MYO15B: variants seen among roughly 807,000 people sequenced by gnomAD.
MYO15B encodes myosin XVB pseudogene.
Under a neutral mutation model 119.3 loss-of-function variants are expected in MYO15B, and 207 were observed. The observed-to-expected ratio is 1.73, with a 90% CI of 1.55 to 1.95. MYO15B has a LOEUF of 1.95. Ranked by LOEUF, MYO15B falls within the 30% of genes most tolerant of loss-of-function variation. The pLI is 0.00. For missense variants in MYO15B, 2,264 were observed against 1,203.1 expected (o/e 1.88, Z -13.04); for synonymous variants, 966 against 498.9 (o/e 1.94, Z -12.48).
chr17:75,596,986 A>C (rs1598737413), intron 14 of MYO15B, 87 bp downstream of exon 14: 1 of 619,838 alleles, frequency 1.6e-6, no homozygotes, highest in Admixed American at 2.8e-5. Context: ...AGAGCCTCCC[A>C]GAGGGGACAA....
At chr17:75,626,318 G>A (rs1472042746) in intron 63 of MYO15B, 89 bp from the exon 64 acceptor site, 7 of 698,244 alleles carry the variant, frequency 1.0e-5, no homozygotes, top group East Asian at 2.7e-5. Flanking sequence ...GGCCCAGGCC[G>A]ATGCCCACTG....
rs1466027389 is a variant in MYO15B at position 75,596,507 on chromosome 17, C to T, written c.3345C>T (p.Ser1115=). 6 of 702,936 alleles carry T rather than the reference C, an allele frequency of 8.5e-6. No individual in the cohort carries two copies. In the East Asian group the frequency reaches 1.1e-4, roughly 13 times the overall value. 43.5% of individuals were successfully genotyped at this position (702,936 alleles called of 1,614,324 possible). A position where few individuals can be genotyped will look rare whatever the true frequency, so the allele number is the denominator to read the frequency against. Reference sequence around the variant, plus strand: ...AGCAACTGTGCAACAACCTCGCCAGCGAGCGCCTACAGCTCTTCTCCAGCC... The same window carrying T: ...AGCAACTGTGCAACAACCTCGCCAGTGAGCGCCTACAGCTCTTCTCCAGCC... The change falls in exon 13 of 64, where the codon AGC becomes AGT. Residue 1115 remains serine, a synonymous_variant. Transcript: ENST00000645453.
In MYO15B at chr17:75,621,014, G is replaced by A. The variant is rs776579456; in HGVS notation, c.7726-17G>A. 1.4e-6 allele frequency: 1 copy of A among 702,792 alleles called. No individual in the cohort carries two copies. The allele number at this position is 702,792 out of a possible 1,614,324, so 43.5% of individuals were successfully genotyped here. A position where few individuals can be genotyped will look rare whatever the true frequency, so the allele number is the denominator to read the frequency against. On this transcript the variant is annotated splice_polypyrimidine_tract_variant and intron_variant, in intron 49 of 63. Coordinates refer to ENST00000645453, the Ensembl canonical transcript of MYO15B. ...GCACTGGACACTCAGGTGGCACCAG[G>A]TTTCTTGTGATCCCAGCGCCCTGCC...
chr17:75,603,212 CAT>C lies in MYO15B; in HGVS notation c.3917_3918del (p.His1306ArgfsTer28). 1 of 703,090 alleles carries C rather than the reference CAT, an allele frequency of 1.4e-6. No individual in the cohort carries two copies. Among genetic ancestry groups the C allele is most frequent in the Non-Finnish European group, 2.6e-6 (1 of 385,004 alleles). 43.6% of individuals were successfully genotyped at this position (703,090 alleles called of 1,614,324 possible). ...GCTTCCAGGCCTCTTTGACGTGGGA[CAT>C]GTGACAGAGCAACTGCACCAGGCAG... On this transcript the variant is annotated frameshift_variant, in exon 19 of 64. Coordinates refer to ENST00000645453, the Ensembl canonical transcript of MYO15B. LOFTEE classifies it high-confidence loss of function.
chr17:75,600,321 C>G (rs1463704079), intron 14 of MYO15B, among the ~76,000 whole-genome samples: 2 of 151,834 alleles, frequency 1.3e-5, no homozygotes, highest in African/African-American at 4.8e-5. Flanking sequence ...GCCACCGCGT[C>G]CGGCCTAAGA....
At chr17:75,621,806 G>A (rs1211285703) in intron 52 of MYO15B, 198 bp from the exon 53 acceptor site, 6 of 607,838 alleles carry the variant, frequency 9.9e-6, no homozygotes, top group South Asian at 1.9e-5. Context: ...GATGCTATGT[G>A]CTGTGTGGGG....
chr17:75,605,943 A>G (rs1479488387), exon 21 of MYO15B: 1 of 702,698 alleles, frequency 1.4e-6, no homozygotes, highest in African/African-American at 1.7e-5. Flanking sequence ...GTCGACCTGC[A>G]CCGCAGCTTC....
intron 19 of MYO15B, among the ~76,000 whole-genome samples, chr17:75,604,079 G>T (rs1210989130): frequency 6.6e-6 from 1 of 152,176 alleles, no homozygotes; most frequent in African/African-American, 2.4e-5. Context: ...CTGGTTGGGG[G>T]ACTGAGCAAA....
chr17:75,615,707 A>C, exon 36 of MYO15B: 1 of 685,848 alleles, frequency 1.5e-6, no homozygotes, highest in Non-Finnish European at 2.7e-6. Context: ...AGCAGATGAC[A>C]GCCCAGGCCA....
chr17:75,622,119 T>C, intron 53 of MYO15B, 39 bp downstream of exon 53: 1 of 701,326 alleles, frequency 1.4e-6, no homozygotes, highest in Non-Finnish European at 2.6e-6. Context: ...CCTGTGCCTG[T>C]CCTCCTGTCT....
At chr17:75,618,802 G>T (rs185850344) in intron 43 of MYO15B, among the ~76,000 whole-genome samples, 2 of 152,350 alleles carry the variant, frequency 1.3e-5, no homozygotes, top group African/African-American at 4.8e-5. Flanking sequence ...CCAGGAGTGA[G>T]CCTCTGTTCC....
chr17:75,625,440 A>G (rs1263156409), intron 60 of MYO15B, 87 bp from the exon 61 acceptor site: 4 of 682,586 alleles, frequency 5.9e-6, no homozygotes, highest in South Asian at 1.6e-5. Flanking sequence ...CTTGCCCACA[A>G]TAGGCACTGG....
intron 24 of MYO15B, 84 bp downstream of exon 24, chr17:75,611,742 C>G (rs1198771396): frequency 2.0e-5 from 14 of 698,554 alleles, no homozygotes; most frequent in Non-Finnish European, 3.4e-5. Context: ...TGGTTCCTCC[C>G]TCTGATGCTC....
In MYO15B at chr17:75,603,185, C is replaced by G. The variant is rs2057397005; in HGVS notation, c.3892-3C>G. On this transcript the variant is annotated splice_polypyrimidine_tract_variant and splice_region_variant and intron_variant, in intron 18 of 63. Transcript: ENST00000645453. ...TGTCTTTGGCTCTGTCTTGTGGCCACAGCTTCCAGGCCTCTTTGACGTGGG... is the reference window on the plus strand; with the variant it reads ...TGTCTTTGGCTCTGTCTTGTGGCCAGAGCTTCCAGGCCTCTTTGACGTGGG... The G allele has an allele frequency of 1.4e-6, 1 of 703,046 alleles. No homozygotes were observed. The highest frequency in any genetic ancestry group is 1.7e-5 in the African/African-American group (1 of 57,278). 43.6% of individuals were successfully genotyped at this position (703,046 alleles called of 1,614,324 possible).
chr17:75,593,885 C>A (rs1363828414), intron 9 of MYO15B, among the ~76,000 whole-genome samples: 1 of 149,336 alleles, frequency 6.7e-6, no homozygotes, highest in African/African-American at 2.5e-5. Flanking sequence ...TGCCATTGCA[C>A]TCCAGCCTGA....
rs1271750925 is a variant in MYO15B at position 75,611,928 on chromosome 17, CGCCTGAG to C, written c.4549_4555del (p.Pro1517PhefsTer7). On this transcript the variant is annotated frameshift_variant, in exon 25 of 64. Coordinates refer to ENST00000645453, the Ensembl canonical transcript of MYO15B. LOFTEE classifies it high-confidence loss of function. ...GCTGGGAGCATCACCGAGTGCCTGC[CGCCTGAG>C]GTTCCTGCCCGGCCCAGCCTGACTC... 1.4e-6 allele frequency: 1 copy of C among 702,844 alleles called. No homozygotes were observed. Among genetic ancestry groups the C allele is most frequent in the Non-Finnish European group, 2.6e-6 (1 of 385,008 alleles). 43.5% of individuals were successfully genotyped at this position (702,844 alleles called of 1,614,324 possible).
In MYO15B at chr17:75,624,453, C is replaced by T. The variant is rs772555146; in HGVS notation, c.8445+6C>T. On this transcript the variant is annotated splice_donor_region_variant and intron_variant, in intron 57 of 63. Transcript: ENST00000645453. ...CGAATATCCAGACTTTCACAGTGAG[C>T]TTGGGGGCCACCAAGGGAGGAGGCC... The T allele has an allele frequency of 2.8e-6, 2 of 702,940 alleles. No individual in the cohort carries two copies. The highest frequency in any genetic ancestry group is 5.2e-6 in the Non-Finnish European group (2 of 385,020). 43.5% of individuals were successfully genotyped at this position (702,940 alleles called of 1,614,324 possible). A position where few individuals can be genotyped will look rare whatever the true frequency, so the allele number is the denominator to read the frequency against.
chr17:75,595,141 T>C (rs1598726492), intron 12 of MYO15B, 169 bp downstream of exon 12: 1 of 611,344 alleles, frequency 1.6e-6, no homozygotes, highest in Admixed American at 2.8e-5. Flanking sequence ...CCTGCTGGGG[T>C]GGGGTGCAGG....
At chr17:75,590,505 T>G (rs2056369370) in intron 1 of MYO15B, 121 bp from the exon 2 acceptor site, 1 of 375,694 alleles carries the variant, frequency 2.7e-6, no homozygotes, top group Non-Finnish European at 4.7e-6. Context: ...CAGCCCCCAT[T>G]TTATGGATCA....
Sources: gnomAD v4.1 joint callset for allele counts (sites outside exome capture counted in the v4.1 genomes callset) on GRCh38, gnomAD v4.1.1 for gene constraint, MANE v1.5 for transcripts, NCBI Gene and HGNC (gene_info 2026-07-23, HGNC 2026-07-21) for gene names.